ZNF385D: variants seen among roughly 807,000 people sequenced by gnomAD.
ZNF385D encodes the protein zinc finger protein 385D, also known as zinc finger protein 659.
A neutral mutation model predicts 35.8 loss-of-function variants in ZNF385D; 15 were observed. That is an observed-to-expected ratio of 0.42 (90% CI 0.28 to 0.64). The LOEUF is 0.64. ZNF385D is among the 30% of genes least tolerant of loss of function. ZNF385D has a pLI of 0.23. For missense variants in ZNF385D, 474 were observed against 494.6 expected (o/e 0.96, Z 0.39); for synonymous variants, 212 against 186.8 (o/e 1.13, Z -1.10).
intron 2 of ZNF385D, among the ~76,000 whole-genome samples, chr3:21,575,332 T>G (rs2063465664): frequency 6.6e-6 from 1 of 151,962 alleles, no homozygotes; most frequent in Non-Finnish European, 1.5e-5. Flanking sequence ...GTTACTTTGC[T>G]TTTGCCAAAT....
At chr3:21,766,032 C>G (rs536804202) in intron 3 of ZNF385D, among the ~76,000 whole-genome samples, 2 of 151,864 alleles carry the variant, frequency 1.3e-5, no homozygotes, top group African/African-American at 4.8e-5. Flanking sequence ...AAGAAGGTAG[C>G]AGCATTGTGA....
At chr3:21,603,164 G>A (rs2064367324) in intron 2 of ZNF385D, among the ~76,000 whole-genome samples, 1 of 152,162 alleles carries the variant, frequency 6.6e-6, no homozygotes, top group Non-Finnish European at 1.5e-5. Context: ...ACAAGAAGAC[G>A]CATAATAAAT....
chr3:21,848,564 A>G (rs529973983), intron 3 of ZNF385D, among the ~76,000 whole-genome samples: 38 of 152,170 alleles, frequency 2.5e-4, no homozygotes, highest in Middle Eastern at 3.4e-3. Context: ...ATTAAAATCA[A>G]TGCTACAGAA....
intron 1 of ZNF385D, among the ~76,000 whole-genome samples, chr3:21,683,670 A>G (rs1273335560): frequency 6.7e-6 from 1 of 149,968 alleles, no homozygotes; most frequent in Admixed American, 6.7e-5. Context: ...GAGCTGTTCA[A>G]AAGCGAAGAG....
At chr3:21,955,752 C>T (rs1203215134) in intron 3 of ZNF385D, among the ~76,000 whole-genome samples, 1 of 152,110 alleles carries the variant, frequency 6.6e-6, no homozygotes, top group East Asian at 1.9e-4. Flanking sequence ...AGAGGGTTAG[C>T]TTCATCATTT....
intron 1 of ZNF385D, among the ~76,000 whole-genome samples, chr3:21,696,558 T>C (rs1382508814): frequency 6.6e-6 from 1 of 152,218 alleles, no homozygotes; most frequent in East Asian, 1.9e-4. Context: ...TAAACAAACA[T>C]TTCCCTCTTA....
intron 3 of ZNF385D, among the ~76,000 whole-genome samples, chr3:22,120,659 T>G (rs1703044072): frequency 6.6e-6 from 1 of 152,176 alleles, no homozygotes; most frequent in South Asian, 2.1e-4. Context: ...AACTAAGCTG[T>G]CTGAACGTAT....
At chr3:21,597,186 C>A (rs2064150741) in intron 2 of ZNF385D, among the ~76,000 whole-genome samples, 1 of 151,892 alleles carries the variant, frequency 6.6e-6, no homozygotes. Flanking sequence ...TAATTTACAA[C>A]CTAATTAATT....
At chr3:22,309,483 T>C (rs1559511675) in intron 2 of ZNF385D, among the ~76,000 whole-genome samples, 2 of 152,070 alleles carry the variant, frequency 1.3e-5, no homozygotes, top group African/African-American at 4.8e-5. Flanking sequence ...GTCTCGACTA[T>C]ATAGAGAGTA....
At chr3:21,889,223 T>C (rs1264589788) in intron 3 of ZNF385D, among the ~76,000 whole-genome samples, 1 of 152,186 alleles carries the variant, frequency 6.6e-6, no homozygotes. Flanking sequence ...TTAAAGGTCT[T>C]TGTTTCTCAT....
chr3:22,338,737 G>C (rs1013883244), intron 2 of ZNF385D, among the ~76,000 whole-genome samples: 20 of 123,256 alleles, frequency 1.6e-4, no homozygotes, highest in African/African-American at 6.6e-4. Flanking sequence ...GTCTTGCTCT[G>C]TCACCCAGGC....
chr3:21,836,728 T>C (rs1695352053), intron 3 of ZNF385D, among the ~76,000 whole-genome samples: 1 of 152,170 alleles, frequency 6.6e-6, no homozygotes, highest in Admixed American at 6.6e-5. Flanking sequence ...GAATTTTATA[T>C]ACATTTTACA....
chr3:22,074,649 T>A (rs888757155), intron 3 of ZNF385D, among the ~76,000 whole-genome samples: 1 of 151,912 alleles, frequency 6.6e-6, no homozygotes, highest in African/African-American at 2.4e-5. Flanking sequence ...AAAACCTCCA[T>A]TCTTCAAATT....
At chr3:22,293,734 C>T (rs902005578) in intron 2 of ZNF385D, among the ~76,000 whole-genome samples, 5 of 152,132 alleles carry the variant, frequency 3.3e-5, no homozygotes, top group Non-Finnish European at 7.4e-5. Flanking sequence ...CCAAGACCAG[C>T]AGAATCAACT....
chr3:22,256,153 G>C lies in ZNF385D; in HGVS notation c.107-87118C>G, dbSNP rs113058837. 9.7e-3 allele frequency among the ~76,000 whole-genome samples: 1,467 copies of C among 151,028 alleles called. 27 individuals are homozygous for C. Among genetic ancestry groups the C allele is most frequent in the African/African-American group, 0.034 (1,400 of 41,158 alleles). On this transcript the variant is annotated intron_variant, in intron 2 of 5. Coordinates refer to the ZNF385D transcript ENST00000494108. ...TTTGAAACTTAGACTGGCTCTCCTT[G>C]TTCGTCAGCATATATATACATATAC...
chr3:21,955,466 C>T (rs1173700373), intron 3 of ZNF385D, among the ~76,000 whole-genome samples: 1 of 152,060 alleles, frequency 6.6e-6, no homozygotes, highest in Non-Finnish European at 1.5e-5. Context: ...ATCACCTAAA[C>T]AGGGAGGTGA....
At chr3:21,806,200 A>C (rs559799051) in intron 3 of ZNF385D, among the ~76,000 whole-genome samples, 5 of 146,938 alleles carry the variant, frequency 3.4e-5, no homozygotes, top group African/African-American at 1.3e-4. Flanking sequence ...TTTTTTTTTT[A>C]AATTTCTTAT....
At chr3:22,155,709 G>A (rs1705538436) in intron 3 of ZNF385D, among the ~76,000 whole-genome samples, 2 of 152,100 alleles carry the variant, frequency 1.3e-5, no homozygotes, top group African/African-American at 2.4e-5. Context: ...TAATTTTTCT[G>A]CCATAAAAAT....
intron 3 of ZNF385D, among the ~76,000 whole-genome samples, chr3:21,983,130 C>T (rs1005996506): frequency 1.1e-4 from 16 of 148,676 alleles, no homozygotes; most frequent in Non-Finnish European, 3.0e-5. Context: ...GGAGTCCCTC[C>T]TCCTCAATTT....
Sources: allele counts gnomAD v4.1 joint callset (sites outside exome capture counted in the v4.1 genomes callset), GRCh38; gene constraint gnomAD v4.1.1; transcripts MANE v1.5; gene names NCBI Gene and HGNC (gene_info 2026-07-23, HGNC 2026-07-21).